PTPRM: variants seen among roughly 807,000 people sequenced by gnomAD.
PTPRM encodes the protein receptor-type tyrosine-protein phosphatase mu.
PTPRM carries 47 observed loss-of-function variants against 186.7 expected under a neutral mutation model. The ratio of observed to expected loss-of-function variants is 0.25; its 90% CI spans 0.20 to 0.32. PTPRM has a LOEUF of 0.32. PTPRM is among the 10% of genes least tolerant of loss of function. The probability of loss-of-function intolerance (pLI) is 1.00; values close to 1 mark genes in which losing one functional copy is unlikely to be tolerated. For missense variants in PTPRM, 1,494 were observed against 1,865.0 expected (o/e 0.80, Z 3.66); for synonymous variants, 668 against 674.9 (o/e 0.99, Z 0.16).
intron 1 of PTPRM, among the ~76,000 whole-genome samples, chr18:7,591,693 A>G (rs1295129682): frequency 6.6e-6 from 1 of 152,232 alleles, no homozygotes. Flanking sequence ...ATATTTAGAC[A>G]CCAGGCTACA....
intron 22 of PTPRM, among the ~76,000 whole-genome samples, chr18:8,323,698 C>A (rs770384832): frequency 2.6e-5 from 4 of 152,224 alleles, no homozygotes; most frequent in Non-Finnish European, 4.4e-5. Context: ...CTCTGTACAG[C>A]ACCCTGTAGA....
At chr18:8,156,292 A>G (rs754047238) in intron 14 of PTPRM, among the ~76,000 whole-genome samples, 2 of 152,176 alleles carry the variant, frequency 1.3e-5, no homozygotes, top group African/African-American at 2.4e-5. Context: ...GAACATAGCT[A>G]CCAATTTTTC....
At chr18:7,585,057 C>G in intron 1 of PTPRM, among the ~76,000 whole-genome samples, 1 of 152,160 alleles carries the variant, frequency 6.6e-6, no homozygotes, top group South Asian at 2.1e-4. Flanking sequence ...CTGGCCTTGG[C>G]AAGGGAGCTT....
At chr18:7,875,004 C>T (rs2048166468) in intron 2 of PTPRM, among the ~76,000 whole-genome samples, 1 of 152,048 alleles carries the variant, frequency 6.6e-6, no homozygotes, top group Admixed American at 6.5e-5. Flanking sequence ...ATCAGCCTGG[C>T]CAACATGGTG....
chr18:8,185,635 A>G (rs1448283396), intron 14 of PTPRM, among the ~76,000 whole-genome samples: 1 of 152,182 alleles, frequency 6.6e-6, no homozygotes, highest in Non-Finnish European at 1.5e-5. Context: ...GTTCATCTCT[A>G]TGACCCGTCT....
intron 2 of PTPRM, among the ~76,000 whole-genome samples, chr18:7,785,170 G>A (rs1490285824): frequency 6.6e-6 from 1 of 152,136 alleles, no homozygotes; most frequent in African/African-American, 2.4e-5. Context: ...AGCTGGTGAA[G>A]GATATGAAGG....
intron 5 of PTPRM, among the ~76,000 whole-genome samples, chr18:7,943,736 A>G (rs1450121395): frequency 1.3e-5 from 2 of 152,116 alleles, no homozygotes; most frequent in Non-Finnish European, 2.9e-5. Context: ...GCCCGTCGGC[A>G]CAACCTCTGC....
intron 31 of PTPRM, among the ~76,000 whole-genome samples, chr18:8,393,045 T>C (rs2095824994): frequency 6.6e-6 from 1 of 152,204 alleles, no homozygotes; most frequent in African/African-American, 2.4e-5. Context: ...CAACGGATGC[T>C]CAAATCAGTG....
intron 31 of PTPRM, 131 bp from the exon 32 acceptor site, chr18:8,394,345 A>G: frequency 1.0e-6 from 1 of 1,000,810 alleles, no homozygotes; most frequent in Non-Finnish European, 1.4e-6. Flanking sequence ...TGCCCAGGTA[A>G]GAGGTCCCCC....
intron 2 of PTPRM, among the ~76,000 whole-genome samples, chr18:7,883,586 T>C (rs933891242): frequency 3.9e-5 from 6 of 152,222 alleles, no homozygotes; most frequent in African/African-American, 1.4e-4. Flanking sequence ...AGTACACCAC[T>C]GTCAGGAAAC....
intron 1 of PTPRM, among the ~76,000 whole-genome samples, chr18:7,750,461 A>G (rs1390498483): frequency 1.3e-5 from 2 of 152,186 alleles, no homozygotes; most frequent in Admixed American, 6.5e-5. Flanking sequence ...TCTGGTGAAT[A>G]TTGTGCAGCT....
chr18:7,841,870 A>G (rs551871701), intron 2 of PTPRM, among the ~76,000 whole-genome samples: 1 of 152,338 alleles, frequency 6.6e-6, no homozygotes, highest in Non-Finnish European at 1.5e-5. Flanking sequence ...GTGCTAGAAC[A>G]AAACAACCTA....
chr18:8,327,601 A>C (rs528833293), intron 22 of PTPRM, among the ~76,000 whole-genome samples: 1 of 152,248 alleles, frequency 6.6e-6, no homozygotes, highest in African/African-American at 2.4e-5. Context: ...CCACTTAGAC[A>C]GTAGAATATC....
At chr18:7,988,767 A>G (rs930149057) in intron 7 of PTPRM, among the ~76,000 whole-genome samples, 3 of 152,198 alleles carry the variant, frequency 2.0e-5, no homozygotes, top group African/African-American at 7.2e-5. Context: ...GCTGAGTCAT[A>G]TTCCATTGGA....
intron 5 of PTPRM, among the ~76,000 whole-genome samples, chr18:7,943,328 T>C (rs1019271005): frequency 6.6e-6 from 1 of 152,166 alleles, no homozygotes; most frequent in Non-Finnish European, 1.5e-5. Flanking sequence ...CTCATTTCAT[T>C]CATCTTATGG....
At chr18:7,753,115 T>C (rs1260872005) in intron 1 of PTPRM, among the ~76,000 whole-genome samples, 6 of 152,146 alleles carry the variant, frequency 3.9e-5, no homozygotes, top group African/African-American at 1.4e-4. Flanking sequence ...TAGCCATATG[T>C]ATTTGACTGA....
chr18:8,088,957 A>G, intron 11 of PTPRM, 106 bp downstream of exon 11: 1 of 834,996 alleles, frequency 1.2e-6, no homozygotes, highest in South Asian at 1.6e-5. Context: ...CTCAGCCAGC[A>G]TGTAAATCCA....
chr18:7,832,979 T>C (rs139705550), intron 2 of PTPRM, among the ~76,000 whole-genome samples: 21 of 152,318 alleles, frequency 1.4e-4, no homozygotes, highest in African/African-American at 4.8e-4. Context: ...TTCATCTCTG[T>C]GTCTTTTTTT....
At chr18:7,863,642 T>G (rs1241513285) in intron 2 of PTPRM, among the ~76,000 whole-genome samples, 1 of 152,218 alleles carries the variant, frequency 6.6e-6, no homozygotes, top group Admixed American at 6.5e-5. Context: ...CTATTGTGAA[T>G]AGTGCCTCAA....
Sources: allele counts gnomAD v4.1 joint callset (sites outside exome capture counted in the v4.1 genomes callset), GRCh38; gene constraint gnomAD v4.1.1; transcripts MANE v1.5; gene names NCBI Gene and HGNC (gene_info 2026-07-23, HGNC 2026-07-21).